The following TSHZ3 variants were observed in gnomAD, a reference collection of about 807,000 sequenced individuals.
The protein encoded by TSHZ3 is teashirt zinc finger homeobox 3.
In TSHZ3, 10 loss-of-function variants were observed where a neutral mutation model predicts 64.5. That is an observed-to-expected ratio of 0.16 (90% CI 0.10 to 0.26). The LOEUF (loss-of-function observed/expected upper bound fraction) is 0.26, where lower values mean the gene tolerates loss of function less well. Among genes scored for constraint, TSHZ3 ranks in the 10% least tolerant of loss-of-function variants. TSHZ3 has a pLI of 1.00. For missense variants in TSHZ3, 1,242 were observed against 1,421.7 expected (o/e 0.87, Z 2.03); for synonymous variants, 608 against 593.1 (o/e 1.03, Z -0.36).
Position 31,276,489 on chromosome 19 carries a change from G to A in TSHZ3, c.*58C>T. 1 of 1,472,516 alleles carries A rather than the reference G, an allele frequency of 6.8e-7. No individual in the cohort carries two copies. The highest frequency in any genetic ancestry group is 9.1e-7 in the Non-Finnish European group (1 of 1,094,356). The allele number at this position is 1,472,516 out of a possible 1,614,324, so 91.2% of individuals were successfully genotyped here. A position where few individuals can be genotyped will look rare whatever the true frequency, so the allele number is the denominator to read the frequency against. On this transcript the variant is annotated 3_prime_UTR_variant, in exon 2 of 2. Coordinates refer to ENST00000240587, the MANE Select transcript of TSHZ3 (RefSeq NM_020856.4). ...AACAACAAGTCAGAGGGGGCCTGAA[G>A]GTGCCTTCCACAGTTTCCCTCAAAG...
chr19:31,346,016 C>A (rs890447933), intron 1 of TSHZ3, among the ~76,000 whole-genome samples: 2 of 152,160 alleles, frequency 1.3e-5, no homozygotes, highest in African/African-American at 4.8e-5. Context: ...TTCTCTTTGG[C>A]AGGTAAAGAA....
At chr19:31,342,686 G>T (rs975597919) in intron 1 of TSHZ3, among the ~76,000 whole-genome samples, 2 of 152,232 alleles carry the variant, frequency 1.3e-5, no homozygotes, top group African/African-American at 2.4e-5. Context: ...AAAAGTAAAT[G>T]AATTGGAGTC....
chr19:31,161,764 T>C (rs1385714607), intron 5 of TSHZ3, among the ~76,000 whole-genome samples: 2 of 152,198 alleles, frequency 1.3e-5, no homozygotes, highest in Non-Finnish European at 2.9e-5. Flanking sequence ...GGCAAGCCCT[T>C]TCTGTAAAGG....
At chr19:31,220,467 G>T (rs1458109794) in intron 4 of TSHZ3, among the ~76,000 whole-genome samples, 2 of 152,168 alleles carry the variant, frequency 1.3e-5, no homozygotes, top group African/African-American at 4.8e-5. Flanking sequence ...TGTATTTTGG[G>T]TCTCATCTAA....
intron 5 of TSHZ3, among the ~76,000 whole-genome samples, chr19:31,197,592 C>G (rs1299319634): frequency 6.6e-6 from 1 of 151,578 alleles, no homozygotes; most frequent in Non-Finnish European, 1.5e-5. Flanking sequence ...AGACAAGACA[C>G]AAATTACTAA....
Position 31,233,568 on chromosome 19 carries a change from C to A in TSHZ3, n.551-5428G>T, listed in dbSNP as rs78277663. ...GTCTTTTTCTTGTCAATGTCTTCGG[C>A]AGGGCAAGCAATTTTAATTTGATGA... On this transcript the variant is annotated intron_variant and non_coding_transcript_variant, in intron 3 of 6. Transcript: ENST00000651361. 2.3e-3 allele frequency among the ~76,000 whole-genome samples: 348 copies of A among 152,248 alleles called. 12 individuals are homozygous for A. In the East Asian group the frequency reaches 0.061, roughly 26 times the overall value.
chr19:31,178,634 G>A (rs1354331623), intron 5 of TSHZ3, among the ~76,000 whole-genome samples: 2 of 152,300 alleles, frequency 1.3e-5, no homozygotes, highest in African/African-American at 2.4e-5. Context: ...AGCCAAGATC[G>A]CGCCATTGCA....
intron 4 of TSHZ3, among the ~76,000 whole-genome samples, chr19:31,216,467 T>A (rs1055969783): frequency 2.0e-5 from 3 of 151,704 alleles, no homozygotes; most frequent in African/African-American, 7.3e-5. Context: ...TTTTTTTTTT[T>A]TTTGAGACAG....
intron 3 of TSHZ3, among the ~76,000 whole-genome samples, chr19:31,239,188 C>G (rs1975658906): frequency 6.6e-6 from 1 of 151,700 alleles, no homozygotes; most frequent in African/African-American, 2.4e-5. Context: ...ATTTTTTTAC[C>G]TCCTTATATC....
chr19:31,248,355 G>A (rs1432188366), intron 1 of TSHZ3, among the ~76,000 whole-genome samples: 1 of 152,180 alleles, frequency 6.6e-6, no homozygotes, highest in African/African-American at 2.4e-5. Flanking sequence ...TTTTCTGTAA[G>A]CCTGAAATTA....
exon 7 of TSHZ3, among the ~76,000 whole-genome samples, chr19:31,151,169 G>T (rs948274266): frequency 2.0e-5 from 3 of 152,206 alleles, no homozygotes; most frequent in African/African-American, 7.2e-5. Context: ...GGCGGACAGG[G>T]CCTGCTTGGA....
intron 1 of TSHZ3, among the ~76,000 whole-genome samples, chr19:31,281,032 C>T (rs780474161): frequency 1.1e-4 from 16 of 152,222 alleles, no homozygotes; most frequent in South Asian, 2.1e-4. Flanking sequence ...TGACTTTGTC[C>T]TGTCAGCTTC....
intron 3 of TSHZ3, among the ~76,000 whole-genome samples, chr19:31,232,310 G>A (rs1185281483): frequency 1.3e-5 from 2 of 152,098 alleles, no homozygotes; most frequent in Non-Finnish European, 2.9e-5. Context: ...ATAAATGAAC[G>A]CTTTTTAAAG....
intron 1 of TSHZ3, among the ~76,000 whole-genome samples, chr19:31,327,804 C>G (rs1027324081): frequency 2.0e-5 from 3 of 152,108 alleles, no homozygotes; most frequent in African/African-American, 7.2e-5. Context: ...AAATCCAATA[C>G]ACAAAATGAA....
chr19:31,186,352 G>A (rs913959394), intron 5 of TSHZ3, among the ~76,000 whole-genome samples: 6 of 152,152 alleles, frequency 3.9e-5, no homozygotes, highest in African/African-American at 1.2e-4. Context: ...ATCATGGGGG[G>A]CGGTTACCCT....
At chr19:31,204,275 C>CT (rs1568346991) in intron 5 of TSHZ3, among the ~76,000 whole-genome samples, 4 of 151,286 alleles carry the variant, frequency 2.6e-5, no homozygotes, top group African/African-American at 9.7e-5. Flanking sequence ...TCTCTTGCTC[C>CT]CTCTCTTCCT....
intron 5 of TSHZ3, among the ~76,000 whole-genome samples, chr19:31,190,476 G>A (rs114610054): frequency 0.015 from 2,231 of 152,060 alleles, 50 homozygotes; most frequent in African/African-American, 0.051. Flanking sequence ...TTTCAATCTC[G>A]GAAAAGGAAC....
intron 1 of TSHZ3, among the ~76,000 whole-genome samples, chr19:31,249,812 A>G (rs1163519959): frequency 6.6e-6 from 1 of 152,306 alleles, no homozygotes; most frequent in East Asian, 1.9e-4. Flanking sequence ...CCAAGGTGAC[A>G]TGTAAAGACA....
intron 1 of TSHZ3, among the ~76,000 whole-genome samples, chr19:31,331,220 G>A (rs897782207): frequency 2.0e-5 from 3 of 152,114 alleles, no homozygotes; most frequent in African/African-American, 7.2e-5. Flanking sequence ...AGGCCTTCCT[G>A]AGCTCACCTG....
Sources: gnomAD v4.1 joint callset for allele counts (sites outside exome capture counted in the v4.1 genomes callset) on GRCh38, gnomAD v4.1.1 for gene constraint, MANE v1.5 for transcripts, NCBI Gene and HGNC (gene_info 2026-07-23, HGNC 2026-07-21) for gene names.